RBMS3: variants seen among roughly 807,000 people sequenced by gnomAD.
RBMS3 encodes RNA-binding motif, single-stranded-interacting protein 3.
Under a neutral mutation model 66.8 loss-of-function variants are expected in RBMS3, and 27 were observed. That is an observed-to-expected ratio of 0.40 (90% CI 0.30 to 0.56). The LOEUF (loss-of-function observed/expected upper bound fraction) is 0.56, where lower values mean the gene tolerates loss of function less well. RBMS3 is among the 20% of genes least tolerant of loss of function. RBMS3 has a pLI of 0.40. For missense variants in RBMS3, 513 were observed against 549.5 expected (o/e 0.93, Z 0.66); for synonymous variants, 188 against 183.0 (o/e 1.03, Z -0.22).
chr3:29,416,709 G>A (rs928124792), intron 1 of RBMS3, among the ~76,000 whole-genome samples: 1 of 152,080 alleles, frequency 6.6e-6, no homozygotes, highest in African/African-American at 2.4e-5. Flanking sequence ...CTGTACCAGT[G>A]TCTTGGGCAT....
chr3:29,558,676 A>G (rs1343352299), intron 3 of RBMS3, among the ~76,000 whole-genome samples: 1 of 152,200 alleles, frequency 6.6e-6, no homozygotes, highest in African/African-American at 2.4e-5. Context: ...TGATCTGTAT[A>G]TGGAATTAAA....
intron 1 of RBMS3, among the ~76,000 whole-genome samples, chr3:29,355,470 C>A (rs968321889): frequency 6.6e-6 from 1 of 150,676 alleles, no homozygotes; most frequent in Non-Finnish European, 1.5e-5. Flanking sequence ...TGAAAAATTG[C>A]CATTTTTAAT....
chr3:29,728,247 C>A (rs2053971159), intron 4 of RBMS3, among the ~76,000 whole-genome samples: 3 of 151,948 alleles, frequency 2.0e-5, no homozygotes, highest in Admixed American at 2.0e-4. Context: ...GGGACAAATA[C>A]CTAACTCATG....
At chr3:29,967,423 G>A (rs1264265297) in intron 12 of RBMS3, among the ~76,000 whole-genome samples, 4 of 152,118 alleles carry the variant, frequency 2.6e-5, no homozygotes, top group Non-Finnish European at 4.4e-5. Context: ...AGCCTCCTGA[G>A]TAGCTTGGAA....
At chr3:29,785,852 C>T (rs1296468627) in intron 6 of RBMS3, among the ~76,000 whole-genome samples, 4 of 151,868 alleles carry the variant, frequency 2.6e-5, no homozygotes. Flanking sequence ...AACAATCAAA[C>T]AAGAGAAAGA....
chr3:29,575,221 G>T (rs1047767653), intron 3 of RBMS3, among the ~76,000 whole-genome samples: 1 of 151,666 alleles, frequency 6.6e-6, no homozygotes, highest in Non-Finnish European at 1.5e-5. Flanking sequence ...ATCTAGAAAG[G>T]TCTTTATTTC....
intron 14 of RBMS3, 45 bp downstream of exon 14, chr3:29,991,254 C>G: frequency 6.2e-7 from 1 of 1,612,728 alleles, no homozygotes; most frequent in Non-Finnish European, 8.5e-7. Context: ...GATCAGCCAT[C>G]TTGACATCAC....
At chr3:29,572,147 G>A (rs557270372) in intron 3 of RBMS3, among the ~76,000 whole-genome samples, 83 of 152,150 alleles carry the variant, frequency 5.5e-4, no homozygotes, top group African/African-American at 1.9e-3. Context: ...TTTACTGAAT[G>A]TTTATCAATT....
At chr3:29,482,377 C>T in intron 2 of RBMS3, among the ~76,000 whole-genome samples, 1 of 152,048 alleles carries the variant, frequency 6.6e-6, no homozygotes, top group East Asian at 1.9e-4. Flanking sequence ...ATTTTTGTGC[C>T]AGATTTACAT....
intron 2 of RBMS3, among the ~76,000 whole-genome samples, chr3:29,444,598 A>T (rs911168021): frequency 6.6e-6 from 1 of 151,912 alleles, no homozygotes; most frequent in African/African-American, 2.4e-5. Context: ...AAACAGAATG[A>T]TGAAATGTGT....
intron 1 of RBMS3, among the ~76,000 whole-genome samples, chr3:29,327,759 T>A (rs962684136): frequency 6.6e-6 from 1 of 152,198 alleles, no homozygotes; most frequent in African/African-American, 2.4e-5. Context: ...TTAGCCATCA[T>A]GTCTTCCAAG....
chr3:29,568,848 G>T (rs2046835464), intron 3 of RBMS3, among the ~76,000 whole-genome samples: 1 of 152,178 alleles, frequency 6.6e-6, no homozygotes, highest in Non-Finnish European at 1.5e-5. Flanking sequence ...TCCAATAGAG[G>T]TTCAAGAAGA....
At chr3:29,323,862 T>C (rs2125497316) in intron 1 of RBMS3, among the ~76,000 whole-genome samples, 1 of 152,252 alleles carries the variant, frequency 6.6e-6, no homozygotes, top group South Asian at 2.1e-4. Context: ...ACTAAGCTTT[T>C]TAAGACTTTA....
At chr3:29,760,524 T>C (rs1010276702) in intron 5 of RBMS3, among the ~76,000 whole-genome samples, 4 of 152,066 alleles carry the variant, frequency 2.6e-5, no homozygotes, top group African/African-American at 9.7e-5. Context: ...AATTAAGGGC[T>C]TACATTTCCT....
intron 10 of RBMS3, among the ~76,000 whole-genome samples, chr3:29,914,142 A>G (rs2060583011): frequency 6.6e-6 from 1 of 151,940 alleles, no homozygotes; most frequent in South Asian, 2.1e-4. Context: ...TTAAAGACTG[A>G]ACACTGTTGA....
chr3:29,650,888 A>AATTAATAT (rs1287906438), intron 4 of RBMS3, among the ~76,000 whole-genome samples: 1 of 152,186 alleles, frequency 6.6e-6, no homozygotes, highest in Non-Finnish European at 1.5e-5. Flanking sequence ...TCAGGAATTT[A>AATTAATAT]ATTAATATCA....
intron 1 of RBMS3, among the ~76,000 whole-genome samples, chr3:29,310,982 C>G (rs1289807939): frequency 1.3e-5 from 2 of 151,796 alleles, no homozygotes; most frequent in Non-Finnish European, 2.9e-5. Context: ...GTCCAACTCC[C>G]AGTGAGTCCA....
chr3:29,841,328 T>A (rs1462492591), intron 6 of RBMS3, among the ~76,000 whole-genome samples: 1 of 152,056 alleles, frequency 6.6e-6, no homozygotes, highest in African/African-American at 2.4e-5. Flanking sequence ...TGACTTGGAA[T>A]GTTAGTAATG....
chr3:29,860,778 C>T (rs531353565), intron 6 of RBMS3, among the ~76,000 whole-genome samples: 9 of 152,318 alleles, frequency 5.9e-5, no homozygotes, highest in Non-Finnish European at 1.2e-4. Context: ...CTATTAGTAT[C>T]ATGTTTTCAT....
Sources: allele counts gnomAD v4.1 joint callset (sites outside exome capture counted in the v4.1 genomes callset), GRCh38; gene constraint gnomAD v4.1.1; transcripts MANE v1.5; gene names NCBI Gene and HGNC (gene_info 2026-07-23, HGNC 2026-07-21).